Variants in LBH observed in about 807,000 individuals in gnomAD.
LBH encodes protein LBH.
LBH carries 7 observed loss-of-function variants against 12.5 expected under a neutral mutation model. The ratio of observed to expected loss-of-function variants is 0.56; its 90% CI spans 0.32 to 1.05. LBH has a LOEUF of 1.05. LBH is among the 50% of genes least tolerant of loss of function. The pLI is 0.04. For missense variants in LBH, 119 were observed against 138.9 expected (o/e 0.86, Z 0.72); for synonymous variants, 51 against 50.1 (o/e 1.02, Z -0.08).
chr2:30,255,875 C>T lies in LBH; in HGVS notation c.130-1558C>T, dbSNP rs540079842. 4.6e-5 allele frequency among the ~76,000 whole-genome samples: 7 copies of T among 152,330 alleles called. No homozygotes were observed. In the East Asian group the frequency reaches 1.4e-3, roughly 29 times the overall value. ...CAGATCTCTTCAAATGTGTCTCCACCCACTCAAAGTTTTGCTTTCCTTTCT... is the reference window on the plus strand; with the variant it reads ...CAGATCTCTTCAAATGTGTCTCCACTCACTCAAAGTTTTGCTTTCCTTTCT... On this transcript the variant is annotated intron_variant, in intron 2 of 2. Transcript: ENST00000395323.
intron 1 of LBH, chr2:30,232,177 G>A (rs1677600016): frequency 2.0e-6 from 3 of 1,509,122 alleles, no homozygotes; most frequent in Non-Finnish European, 1.8e-6. Flanking sequence ...AAGTCTCAAC[G>A]TCGAGGCCGG....
intron 2 of LBH, among the ~76,000 whole-genome samples, chr2:30,249,842 T>A (rs1351607729): frequency 2.6e-5 from 4 of 152,208 alleles, no homozygotes; most frequent in Non-Finnish European, 5.9e-5. Context: ...CTGTGTTTGA[T>A]TCTCTCCAAA....
intron 2 of LBH, among the ~76,000 whole-genome samples, chr2:30,246,804 ACTCC>A (rs140062761): frequency 0.23 from 27,865 of 122,478 alleles, 3,559 homozygotes; most frequent in Middle Eastern, 0.35. Context: ...TTCCTCACTC[ACTCC>A]CTCCCTCCCT....
rs1318974307 is a variant in LBH, at chr2:30,259,999, G to T, written c.*2378G>T. ...CAAACTACTTTTTGTCACTGTGACA[G>T]TTGTAAATAAAGTTTGAAAATGCTT... On this transcript the variant is annotated 3_prime_UTR_variant, in exon 3 of 3. Transcript: ENST00000395323. The T allele has an allele frequency of 6.6e-6, 1 of 152,334 alleles. No homozygotes were observed. Among genetic ancestry groups the T allele is most frequent in the Non-Finnish European group, 1.5e-5 (1 of 68,010 alleles). The allele number at this position is 152,334 out of a possible 1,614,324, so 9.4% of individuals were successfully genotyped here.
chr2:30,243,732 T>G (rs1247607415), intron 2 of LBH, among the ~76,000 whole-genome samples: 1 of 152,042 alleles, frequency 6.6e-6, no homozygotes, highest in Non-Finnish European at 1.5e-5. Flanking sequence ...TTTCTCCATG[T>G]TGGCCAGGCT....
intron 2 of LBH, among the ~76,000 whole-genome samples, chr2:30,248,121 T>C (rs2103560866): frequency 6.6e-6 from 1 of 152,298 alleles, no homozygotes; most frequent in South Asian, 2.1e-4. Context: ...ATGGTTTCAT[T>C]GAAAGGCATA....
chr2:30,253,648 T>A (rs1678026504), intron 2 of LBH, among the ~76,000 whole-genome samples: 1 of 152,088 alleles, frequency 6.6e-6, no homozygotes, highest in Admixed American at 6.5e-5. Context: ...AATGGCGCTG[T>A]TTGGAATTAT....
rs1678112285 is a variant in LBH at position 30,257,779 on chromosome 2, T to TCTTGC, written c.*161_*162insGCCTT. 3.6e-6 allele frequency: 2 copies of TCTTGC among 555,354 alleles called. No homozygotes were observed. Among genetic ancestry groups the TCTTGC allele is most frequent in the African/African-American group, 4.0e-5 (2 of 49,702 alleles). The allele number at this position is 555,354 out of a possible 1,614,324, so 34.4% of individuals were successfully genotyped here. A position where few individuals can be genotyped will look rare whatever the true frequency, so the allele number is the denominator to read the frequency against. On this transcript the variant is annotated 3_prime_UTR_variant, in exon 3 of 3. Transcript: ENST00000395323. ...GCAGATCACCGAGTTGGTTTTCTTTTCTTTTCTTGCCTTTTTTTTTTTTTG... is the reference window on the plus strand; with the variant it reads ...GCAGATCACCGAGTTGGTTTTCTTTTCTTGCCTTTTCTTGCCTTTTTTTTTTTTTG...
intron 2 of LBH, among the ~76,000 whole-genome samples, chr2:30,243,037 A>C (rs1677815483): frequency 6.6e-6 from 1 of 152,264 alleles, no homozygotes; most frequent in South Asian, 2.1e-4. Flanking sequence ...TAGCAAATAG[A>C]ATCTCCAGGG....
chr2:30,250,286 G>C (rs1172392437), intron 2 of LBH, among the ~76,000 whole-genome samples: 1 of 151,526 alleles, frequency 6.6e-6, no homozygotes, highest in African/African-American at 2.4e-5. Flanking sequence ...CTCCACCCCC[G>C]GCCTTCCTCT....
chr2:30,231,610 C>T lies in LBH; in HGVS notation c.-129C>T. 1 of 869,452 alleles carries T rather than the reference C, an allele frequency of 1.2e-6. No individual in the cohort carries two copies. Among genetic ancestry groups the T allele is most frequent in the Non-Finnish European group, 1.9e-6 (1 of 529,454 alleles). The allele number at this position is 869,452 out of a possible 1,614,324, so 53.9% of individuals were successfully genotyped here. Reference sequence around the variant, plus strand: ...TAGCCGTGGGGCTGTCCTGGGAAGGCGGACGGCGAGCGCCCGGTGTCCGCA... The same window carrying T: ...TAGCCGTGGGGCTGTCCTGGGAAGGTGGACGGCGAGCGCCCGGTGTCCGCA... On this transcript the variant is annotated 5_prime_UTR_variant, in exon 1 of 3. Coordinates refer to ENST00000395323, the MANE Select transcript of LBH (RefSeq NM_030915.4).
intron 2 of LBH, among the ~76,000 whole-genome samples, chr2:30,249,144 G>A (rs1572381912): frequency 6.6e-6 from 1 of 150,828 alleles, no homozygotes; most frequent in Non-Finnish European, 1.5e-5. Flanking sequence ...TAGCCCTGCT[G>A]CCCCTTTGCT....
intron 2 of LBH, among the ~76,000 whole-genome samples, chr2:30,236,124 C>G (rs565890114): frequency 6.6e-6 from 1 of 152,354 alleles, no homozygotes; most frequent in Non-Finnish European, 1.5e-5. Flanking sequence ...ATTTCCATCA[C>G]AGAACCTTTC....
intron 2 of LBH, among the ~76,000 whole-genome samples, chr2:30,240,371 C>G (rs1180543122): frequency 6.6e-6 from 1 of 152,156 alleles, no homozygotes; most frequent in African/African-American, 2.4e-5. Context: ...TAGCCAAGAG[C>G]TATTCCTGGG....
intron 2 of LBH, among the ~76,000 whole-genome samples, chr2:30,240,609 C>A (rs917983396): frequency 1.3e-5 from 2 of 152,208 alleles, no homozygotes; most frequent in African/African-American, 2.4e-5. Context: ...CACATCAAAT[C>A]CTCTGCTTCC....
intron 1 of LBH, chr2:30,232,226 A>G: frequency 2.3e-6 from 1 of 430,120 alleles, no homozygotes; most frequent in Non-Finnish European, 4.3e-6. Flanking sequence ...CAGGGTTTGC[A>G]GAGCTCCGGG....
At position 30,244,861 on chromosome 2, in the gene LBH, G is replaced by T. The variant is rs376421553; in HGVS notation, c.129+10354G>T. Among the ~76,000 whole-genome samples, 615 of 152,174 alleles carry T rather than the reference G, an allele frequency of 4.0e-3. 5 individuals carry two copies. Among genetic ancestry groups the T allele is most frequent in the African/African-American group, 0.014 (581 of 41,528 alleles). On this transcript the variant is annotated intron_variant, in intron 2 of 2. Transcript: ENST00000395323. ...GTGGAGGCTGCAGTGAGCTGAGATC[G>T]CACCACTGCACTCCAGCCTGGGTAA...
chr2:30,245,128 T>C (rs78880502), intron 2 of LBH, among the ~76,000 whole-genome samples: 1 of 152,164 alleles, frequency 6.6e-6, no homozygotes, highest in Non-Finnish European at 1.5e-5. Flanking sequence ...GACTAAAAAC[T>C]TTCAAACATA....
chr2:30,245,444 C>G (rs549375773), intron 2 of LBH, among the ~76,000 whole-genome samples: 3 of 152,162 alleles, frequency 2.0e-5, no homozygotes, highest in Non-Finnish European at 4.4e-5. Flanking sequence ...ACCATGGATA[C>G]GTACACTTTC....
Sources: gnomAD v4.1 joint callset for allele counts (sites outside exome capture counted in the v4.1 genomes callset) on GRCh38, gnomAD v4.1.1 for gene constraint, MANE v1.5 for transcripts, NCBI Gene and HGNC (gene_info 2026-07-23, HGNC 2026-07-21) for gene names.